The following LPP variants were observed in gnomAD, a reference collection of about 807,000 sequenced individuals.
The protein encoded by LPP is LIM domain containing preferred translocation partner in lipoma.
Under a neutral mutation model 60.4 loss-of-function variants are expected in LPP, and 38 were observed. That is an observed-to-expected ratio of 0.63 (90% CI 0.49 to 0.83). The LOEUF is 0.83. Ranked by LOEUF, LPP falls within the 40% of genes least tolerant of loss-of-function variation. The probability of loss-of-function intolerance (pLI) is 0.00; values close to 1 mark genes in which losing one functional copy is unlikely to be tolerated. For missense variants in LPP, 902 were observed against 783.6 expected (o/e 1.15, Z -1.80); for synonymous variants, 328 against 290.8 (o/e 1.13, Z -1.30).
At chr3:188,281,960 A>G (rs1166907723) in intron 2 of LPP, among the ~76,000 whole-genome samples, 4 of 152,090 alleles carry the variant, frequency 2.6e-5, no homozygotes, top group Non-Finnish European at 4.4e-5. Flanking sequence ...AGGCAGAGGG[A>G]TAACTGTAAC....
intron 8 of LPP, among the ~76,000 whole-genome samples, chr3:188,723,736 A>G (rs979705701): frequency 2.6e-5 from 4 of 152,162 alleles, no homozygotes; most frequent in African/African-American, 9.7e-5. Context: ...ACAAATAAAG[A>G]GGCACTATAG....
At chr3:188,157,134 A>G (rs1186464416) in intron 1 of LPP, among the ~76,000 whole-genome samples, 1 of 152,196 alleles carries the variant, frequency 6.6e-6, no homozygotes, top group Admixed American at 6.5e-5. Context: ...CTTAAATCTG[A>G]TAAAATTGTT....
At chr3:188,583,894 G>A (rs979623838) in intron 6 of LPP, among the ~76,000 whole-genome samples, 6 of 152,136 alleles carry the variant, frequency 3.9e-5, no homozygotes, top group Admixed American at 3.9e-4. Flanking sequence ...ATTTTACAAG[G>A]AGGGAAAGCC....
At chr3:188,815,145 T>G (rs1232195861) in intron 9 of LPP, among the ~76,000 whole-genome samples, 1 of 152,212 alleles carries the variant, frequency 6.6e-6, no homozygotes, top group Non-Finnish European at 1.5e-5. Flanking sequence ...TGACCAGAAT[T>G]TAGTGCCCCT....
At chr3:188,614,271 C>A (rs1353410439) in intron 7 of LPP, among the ~76,000 whole-genome samples, 1 of 152,080 alleles carries the variant, frequency 6.6e-6, no homozygotes, top group Admixed American at 6.6e-5. Flanking sequence ...ACATTGATTG[C>A]ACTCTAAAGA....
At chr3:188,796,731 T>C (rs1745468819) in intron 9 of LPP, among the ~76,000 whole-genome samples, 2 of 152,180 alleles carry the variant, frequency 1.3e-5, no homozygotes, top group South Asian at 4.1e-4. Flanking sequence ...AAAGACACAT[T>C]GGATTTGAAC....
intron 2 of LPP, among the ~76,000 whole-genome samples, chr3:188,297,070 A>G (rs1197802680): frequency 1.8e-4 from 28 of 152,240 alleles, no homozygotes; most frequent in Non-Finnish European, 1.5e-5. Flanking sequence ...CTAGAATGGT[A>G]GGACAGGGCC....
At chr3:188,290,112 A>G (rs947153044) in intron 2 of LPP, among the ~76,000 whole-genome samples, 1 of 152,054 alleles carries the variant, frequency 6.6e-6, no homozygotes, top group Non-Finnish European at 1.5e-5. Context: ...AGCTGGGACT[A>G]TAGGCGCATG....
At chr3:188,342,338 C>T (rs1269933504) in intron 3 of LPP, among the ~76,000 whole-genome samples, 1 of 152,116 alleles carries the variant, frequency 6.6e-6, no homozygotes, top group African/African-American at 2.4e-5. Context: ...GGAATGACAC[C>T]AATCCTTGGC....
chr3:188,619,519 T>C (rs983883576), intron 7 of LPP, among the ~76,000 whole-genome samples: 3 of 152,184 alleles, frequency 2.0e-5, no homozygotes, highest in African/African-American at 7.2e-5. Context: ...GGGCCACATG[T>C]CACTTGCCAC....
At chr3:188,770,545 A>T (rs10513829) in intron 9 of LPP, among the ~76,000 whole-genome samples, 2 of 151,726 alleles carry the variant, frequency 1.3e-5, no homozygotes, top group South Asian at 2.1e-4. Context: ...TGGACTCCAT[A>T]TTAGTACGGT....
At chr3:188,670,460 T>G (rs1856743816) in intron 7 of LPP, among the ~76,000 whole-genome samples, 1 of 152,058 alleles carries the variant, frequency 6.6e-6, no homozygotes, top group Admixed American at 6.5e-5. Context: ...TTTTTTTTTT[T>G]TTGTTTTTTT....
intron 8 of LPP, among the ~76,000 whole-genome samples, chr3:188,714,522 A>AT (rs1712988510): frequency 6.7e-6 from 1 of 149,802 alleles, no homozygotes; most frequent in East Asian, 2.0e-4. Context: ...CACCGTTCTT[A>AT]TTTTTTCAAG....
chr3:188,759,906 A>C (rs573660181), intron 8 of LPP, among the ~76,000 whole-genome samples: 2 of 152,186 alleles, frequency 1.3e-5, no homozygotes, highest in African/African-American at 4.8e-5. Context: ...ATTAATGTAA[A>C]ATCCCCTCCA....
chr3:188,170,174 C>T (rs564147697), intron 1 of LPP, among the ~76,000 whole-genome samples: 27 of 152,306 alleles, frequency 1.8e-4, no homozygotes, highest in African/African-American at 6.5e-4. Context: ...TTTCTGCCTT[C>T]GGCTTTGTTC....
chr3:188,662,438 G>C (rs1854798308), intron 7 of LPP, among the ~76,000 whole-genome samples: 1 of 152,202 alleles, frequency 6.6e-6, no homozygotes, highest in Non-Finnish European at 1.5e-5. Context: ...TTTCCTGCTG[G>C]TGAGGTTCTG....
chr3:188,493,706 AAGTGCTGGGTTTAC>A (rs1809073411), intron 5 of LPP, among the ~76,000 whole-genome samples: 1 of 152,116 alleles, frequency 6.6e-6, no homozygotes, highest in Non-Finnish European at 1.5e-5. Context: ...ATGCCTCTCA[AAGTGCTGGGTTTAC>A]AGGTGTGAGC....
At chr3:188,538,542 T>G (rs1824274279) in intron 6 of LPP, among the ~76,000 whole-genome samples, 1 of 152,216 alleles carries the variant, frequency 6.6e-6, no homozygotes, top group Non-Finnish European at 1.5e-5. Context: ...CAACATGTGT[T>G]GGCAATGTGG....
At chr3:188,484,444 A>G (rs1007529811) in intron 4 of LPP, 148 bp from the exon 5 acceptor site, 7 of 592,304 alleles carry the variant, frequency 1.2e-5, no homozygotes, top group Admixed American at 5.8e-5. Flanking sequence ...TAAGGCTACT[A>G]ATTAAACTAA....
Sources: gnomAD v4.1 joint callset for allele counts (sites outside exome capture counted in the v4.1 genomes callset) on GRCh38, gnomAD v4.1.1 for gene constraint, MANE v1.5 for transcripts, NCBI Gene and HGNC (gene_info 2026-07-23, HGNC 2026-07-21) for gene names.